The following CABCOCO1 variants were observed in gnomAD, a reference collection of about 807,000 sequenced individuals.
CABCOCO1 encodes the protein ciliary associated calcium binding coiled-coil 1.
A neutral mutation model predicts 35.7 loss-of-function variants in CABCOCO1; 28 were observed. The ratio of observed to expected loss-of-function variants is 0.78; its 90% confidence interval spans 0.58 to 1.07. The LOEUF (loss-of-function observed/expected upper bound fraction) is 1.07. Among genes scored for constraint, CABCOCO1 ranks in the 50% least tolerant of loss-of-function variants. CABCOCO1 has a pLI of 0.00. For synonymous variants in CABCOCO1, 95 were observed against 100.1 expected (o/e 0.95, Z 0.30); for missense variants, 326 against 309.2 (o/e 1.05, Z -0.41).
chr10:61,743,762 C>G (rs1187655053), intron 5 of CABCOCO1, among the ~76,000 whole-genome samples: 2 of 152,054 alleles, frequency 1.3e-5, no homozygotes, highest in African/African-American at 4.8e-5. Context: ...ATTTTCCCTC[C>G]CTATCCAACC....
Position 61,755,100 on chromosome 10 carries a change from C to T in CABCOCO1, c.553-4959C>T, listed in dbSNP as rs1353105786. The stretch of plus-strand genomic sequence containing the variant: ...GAGTATATTAAGAAGTTTGTAATGG[C>T]CCTATCACAAAAGAAAAATACTTTA... On this transcript the variant is annotated intron_variant, in intron 5 of 7. Coordinates refer to ENST00000648843, the MANE Select transcript of CABCOCO1 (RefSeq NM_001366906.2). Among the ~76,000 whole-genome samples, 8 of 152,210 alleles carry T rather than the reference C, an allele frequency of 5.3e-5. No homozygotes were observed. In the South Asian group the frequency reaches 1.5e-3, roughly 28 times the overall value.
In CABCOCO1 at chr10:61,686,161, C is replaced by T. The variant is rs541630928; in HGVS notation, c.455C>T (p.Ala152Val). 7.0e-6 allele frequency: 11 copies of T among 1,579,296 alleles called. No individual in the cohort carries two copies. The South Asian group carries it at 1.2e-4, about 17-fold the overall frequency. The change falls in exon 4 of 8, where the codon GCT becomes GTT. Residue 152 changes from alanine (A) to valine (V), a missense_variant. Coordinates refer to ENST00000648843, the MANE Select transcript of CABCOCO1 (RefSeq NM_001366906.2). ...ATCTTTGATGTAAAACAAGCCAATGCTATCATTGATTACTTAAAAATCAGG... is the reference window on the plus strand; with the variant it reads ...ATCTTTGATGTAAAACAAGCCAATGTTATCATTGATTACTTAAAAATCAGG... ...WNIFDVKQAN[A>V]IIDYLKISLF...
At chr10:61,749,536 G>C (rs1841735884) in intron 5 of CABCOCO1, among the ~76,000 whole-genome samples, 1 of 152,164 alleles carries the variant, frequency 6.6e-6, no homozygotes, top group African/African-American at 2.4e-5. Context: ...ACTGTAGTTA[G>C]TGCCAACACT....
At chr10:61,701,529 TCTG>T (rs755200054) in intron 5 of CABCOCO1, among the ~76,000 whole-genome samples, 52 of 152,206 alleles carry the variant, frequency 3.4e-4, no homozygotes, top group Non-Finnish European at 6.0e-4. Context: ...GGGGATTTAC[TCTG>T]CTATTTATGA....
intron 4 of CABCOCO1, 55 bp downstream of exon 4, chr10:61,686,240 T>G: frequency 7.1e-7 from 1 of 1,414,918 alleles, no homozygotes; most frequent in Non-Finnish European, 9.5e-7. Flanking sequence ...CTGGAAAATG[T>G]CTGTTAAGTA....
chr10:61,689,451 A>T (rs1371084291), intron 4 of CABCOCO1, among the ~76,000 whole-genome samples: 2 of 152,172 alleles, frequency 1.3e-5, no homozygotes, highest in African/African-American at 4.8e-5. Flanking sequence ...CAGACTCTGC[A>T]CACCCATCAC....
At chr10:61,762,900 A>T (rs2120702) in intron 7 of CABCOCO1, among the ~76,000 whole-genome samples, 94,717 of 151,836 alleles carry the variant, frequency 0.62, 30,916 homozygotes, top group South Asian at 0.77. Context: ...GTCAAATTCC[A>T]AGTTGGGTAA....
chr10:61,678,217 G>A (rs1323705656), intron 2 of CABCOCO1, among the ~76,000 whole-genome samples: 1 of 152,044 alleles, frequency 6.6e-6, no homozygotes, highest in Non-Finnish European at 1.5e-5. Flanking sequence ...GTCTGTTTCT[G>A]GACTTTCTGC....
At chr10:61,680,525 A>ATATGTTATATTATGTTATATATAACATAT (rs1839704168) in intron 2 of CABCOCO1, among the ~76,000 whole-genome samples, 1 of 135,844 alleles carries the variant, frequency 7.4e-6, no homozygotes, top group Non-Finnish European at 1.5e-5. Flanking sequence ...ATAACATATT[A>ATATGTTATATTATGTTATATATAACATAT]TATGTTATAT....
At chr10:61,704,652 T>C (rs1840551187) in intron 5 of CABCOCO1, among the ~76,000 whole-genome samples, 1 of 152,192 alleles carries the variant, frequency 6.6e-6, no homozygotes, top group Admixed American at 6.5e-5. Flanking sequence ...ACCCACAGAA[T>C]TGTGTATTTC....
chr10:61,691,348 A>G (rs536434622), intron 5 of CABCOCO1, among the ~76,000 whole-genome samples: 8 of 152,326 alleles, frequency 5.3e-5, no homozygotes, highest in African/African-American at 1.9e-4. Context: ...TTAATACTAC[A>G]TAAACAATTT....
rs370946433 is a variant in CABCOCO1, at chr10:61,682,883, G to T, written c.334+1571G>T. Among the ~76,000 whole-genome samples, 217 of 54,246 alleles carry T rather than the reference G, an allele frequency of 4.0e-3. 1 individual carries two copies. Among genetic ancestry groups the T allele is most frequent in the African/African-American group, 0.011 (207 of 18,910 alleles). 35.6% of individuals were successfully genotyped at this position (54,246 alleles called of 152,430 possible). A position where few individuals can be genotyped will look rare whatever the true frequency, so the allele number is the denominator to read the frequency against. On this transcript the variant is annotated intron_variant, in intron 3 of 7. Coordinates refer to ENST00000648843, the MANE Select transcript of CABCOCO1 (RefSeq NM_001366906.2). ...ATAGTACCAGGAGTTAGTTTCACAT[G>T]AATTTCTTTTTTTTTTTTTTTAAGA...
At chr10:61,675,658 G>A (rs73287761) in intron 2 of CABCOCO1, among the ~76,000 whole-genome samples, 5,001 of 152,110 alleles carry the variant, frequency 0.033, 299 homozygotes, top group African/African-American at 0.11. Flanking sequence ...AAAACTAACT[G>A]CTAGAAACAG....
chr10:61,726,919 C>T (rs1841167130), intron 5 of CABCOCO1, among the ~76,000 whole-genome samples: 1 of 149,672 alleles, frequency 6.7e-6, no homozygotes, highest in Non-Finnish European at 1.5e-5. Flanking sequence ...AAAAAAGTAC[C>T]AAGTATGGTG....
chr10:61,666,328 T>C (rs1327974418), intron 1 of CABCOCO1, among the ~76,000 whole-genome samples: 1 of 152,238 alleles, frequency 6.6e-6, no homozygotes, highest in East Asian at 1.9e-4. Flanking sequence ...AATAATTCAA[T>C]GTAAGTGAAC....
chr10:61,727,985 A>G (rs1841200774), intron 5 of CABCOCO1, among the ~76,000 whole-genome samples: 1 of 152,198 alleles, frequency 6.6e-6, no homozygotes, highest in South Asian at 2.1e-4. Flanking sequence ...TTACATTAGC[A>G]TCTGTTACAG....
At chr10:61,721,018 G>T (rs538941961) in intron 5 of CABCOCO1, among the ~76,000 whole-genome samples, 1 of 136,350 alleles carries the variant, frequency 7.3e-6, no homozygotes, top group Non-Finnish European at 1.5e-5. Context: ...TCCGCCTCCC[G>T]GGTTCACGCC....
chr10:61,718,644 G>C (rs1394183862), intron 5 of CABCOCO1, among the ~76,000 whole-genome samples: 2 of 152,170 alleles, frequency 1.3e-5, no homozygotes, highest in African/African-American at 4.8e-5. Flanking sequence ...AACCAATCAA[G>C]TTGTCATTTT....
At chr10:61,667,743 T>G (rs1289610094) in intron 1 of CABCOCO1, among the ~76,000 whole-genome samples, 1 of 152,022 alleles carries the variant, frequency 6.6e-6, no homozygotes, top group Admixed American at 6.5e-5. Context: ...GCCAAATTTT[T>G]TATTAGTAAT....
Sources: gnomAD v4.1 joint callset for allele counts (sites outside exome capture counted in the v4.1 genomes callset) on GRCh38, gnomAD v4.1.1 for gene constraint, MANE v1.5 for transcripts, NCBI Gene and HGNC (gene_info 2026-07-23, HGNC 2026-07-21) for gene names.